The following LHFPL6 variants were observed in gnomAD, a reference collection of about 807,000 sequenced individuals.
LHFPL6 encodes LHFPL tetraspan subfamily member 6 protein.
A neutral mutation model predicts 20.6 loss-of-function variants in LHFPL6; 9 were observed. The observed-to-expected ratio is 0.44, with a 90% CI of 0.26 to 0.76. LHFPL6 has a LOEUF of 0.76. Among genes scored for constraint, LHFPL6 ranks in the 30% least tolerant of loss-of-function variants. LHFPL6 has a pLI of 0.20. For synonymous variants in LHFPL6, 105 were observed against 98.7 expected, an observed-to-expected ratio of 1.06 and a Z score of -0.38; for missense variants, 218 against 253.5, an observed-to-expected ratio of 0.86 and a Z score of 0.95.
intron 2 of LHFPL6, among the ~76,000 whole-genome samples, chr13:39,494,312 C>T (rs1410937781): frequency 1.3e-5 from 2 of 152,214 alleles, no homozygotes; most frequent in Non-Finnish European, 2.9e-5. Flanking sequence ...CAGTTCGTGG[C>T]ATTTTTTACC....
At chr13:39,498,537 A>T (rs1264203988) in intron 2 of LHFPL6, among the ~76,000 whole-genome samples, 1 of 152,216 alleles carries the variant, frequency 6.6e-6, no homozygotes, top group African/African-American at 2.4e-5. Flanking sequence ...AAAATCAGGG[A>T]GAGAAGATCA....
At chr13:39,434,399 T>A (rs1871898806) in intron 2 of LHFPL6, among the ~76,000 whole-genome samples, 1 of 152,240 alleles carries the variant, frequency 6.6e-6, no homozygotes, top group African/African-American at 2.4e-5. Flanking sequence ...TTTTCTGCTC[T>A]GATGCTGTTT....
At position 39,562,489 on chromosome 13, in the gene LHFPL6, CACATAT is replaced by C. The variant is rs1566142075; in HGVS notation, c.385+38337_385+38342del. 3.8e-4 allele frequency among the ~76,000 whole-genome samples: 48 copies of C among 125,156 alleles called. 5 individuals are homozygous for C. The highest frequency in any genetic ancestry group is 4.7e-4 in the Non-Finnish European group (27 of 57,962). 82.1% of individuals were successfully genotyped at this position (125,156 alleles called of 152,430 possible). A position where few individuals can be genotyped will look rare whatever the true frequency, so the allele number is the denominator to read the frequency against. On this transcript the variant is annotated intron_variant, in intron 2 of 3. Coordinates refer to ENST00000379589, the MANE Select transcript of LHFPL6 (RefSeq NM_005780.3). ...ACACATATACACATATACATATATACACATATACATATATACATATATACATATATA... is the reference window on the plus strand; with the variant it reads ...ACACATATACACATATACATATATACACATATATACATATATACATATATA...
chr13:39,470,132 T>C (rs995574675), intron 2 of LHFPL6, among the ~76,000 whole-genome samples: 1 of 152,160 alleles, frequency 6.6e-6, no homozygotes, highest in Non-Finnish European at 1.5e-5. Context: ...AAAGTCAAAA[T>C]AGGCTAGCTA....
At chr13:39,422,630 T>C (rs1871526266) in intron 2 of LHFPL6, among the ~76,000 whole-genome samples, 1 of 145,580 alleles carries the variant, frequency 6.9e-6, no homozygotes, top group Non-Finnish European at 1.5e-5. Context: ...GAAAACACAA[T>C]GCGCAACAGC....
At chr13:39,491,640 G>A (rs1039657194) in intron 2 of LHFPL6, among the ~76,000 whole-genome samples, 9 of 152,114 alleles carry the variant, frequency 5.9e-5, no homozygotes, top group African/African-American at 7.2e-5. Flanking sequence ...GGAAGGACTC[G>A]GTAAGGACAT....
At chr13:39,462,703 G>A (rs936140894) in intron 2 of LHFPL6, among the ~76,000 whole-genome samples, 1 of 152,174 alleles carries the variant, frequency 6.6e-6, no homozygotes, top group Non-Finnish European at 1.5e-5. Flanking sequence ...AGCCAGGCAA[G>A]TCCAAAGCAG....
intron 2 of LHFPL6, among the ~76,000 whole-genome samples, chr13:39,541,417 C>T (rs760831018): frequency 6.6e-6 from 1 of 152,174 alleles, no homozygotes; most frequent in Non-Finnish European, 1.5e-5. Context: ...CCTAGCTGTG[C>T]GACATTATGT....
intron 2 of LHFPL6, among the ~76,000 whole-genome samples, chr13:39,475,428 C>CT (rs199666257): frequency 0.14 from 20,577 of 146,548 alleles, 2,862 homozygotes; most frequent in African/African-American, 0.35. Flanking sequence ...ACTGCTCCAT[C>CT]TTTTTTTTTT....
chr13:39,491,104 C>T (rs1188949736), intron 2 of LHFPL6, among the ~76,000 whole-genome samples: 2 of 152,098 alleles, frequency 1.3e-5, no homozygotes, highest in Non-Finnish European at 2.9e-5. Flanking sequence ...TACTCCAAGA[C>T]TTTATAGTAT....
intron 2 of LHFPL6, among the ~76,000 whole-genome samples, chr13:39,582,961 T>A (rs1872333475): frequency 6.6e-6 from 1 of 152,160 alleles, no homozygotes. Context: ...GAGGCCATAT[T>A]ATATTAAGTC....
At chr13:39,523,080 C>G (rs1870162926) in intron 2 of LHFPL6, among the ~76,000 whole-genome samples, 1 of 152,138 alleles carries the variant, frequency 6.6e-6, no homozygotes, top group South Asian at 2.1e-4. Context: ...AATTGTATGA[C>G]CTTAGACAAT....
chr13:39,493,346 A>G (rs1376805475), intron 2 of LHFPL6, among the ~76,000 whole-genome samples: 1 of 151,846 alleles, frequency 6.6e-6, no homozygotes, highest in Non-Finnish European at 1.5e-5. Flanking sequence ...GAAAAGAAAA[A>G]AAAGAAAAGA....
At chr13:39,573,212 A>C (rs9576868) in intron 2 of LHFPL6, among the ~76,000 whole-genome samples, 13,506 of 152,224 alleles carry the variant, frequency 0.089, 694 homozygotes, top group East Asian at 0.22. Flanking sequence ...AAAATGTGGA[A>C]TAGAGATTCA....
At chr13:39,450,705 C>A (rs1313462456) in intron 2 of LHFPL6, among the ~76,000 whole-genome samples, 1 of 152,080 alleles carries the variant, frequency 6.6e-6, no homozygotes, top group Non-Finnish European at 1.5e-5. Context: ...TAGGTCTGAA[C>A]CAAGTGAATT....
intron 2 of LHFPL6, among the ~76,000 whole-genome samples, chr13:39,535,346 T>A (rs1440063965): frequency 1.3e-5 from 2 of 152,252 alleles, no homozygotes; most frequent in East Asian, 3.8e-4. Context: ...CTCTGTCTCC[T>A]CTTTTTGCTC....
At chr13:39,395,269 C>T (rs1336774499) in intron 2 of LHFPL6, among the ~76,000 whole-genome samples, 1 of 152,176 alleles carries the variant, frequency 6.6e-6, no homozygotes, top group East Asian at 1.9e-4. Flanking sequence ...AAGATCACAA[C>T]ATCATGTTTA....
At chr13:39,455,769 T>C (rs1293036439) in intron 2 of LHFPL6, among the ~76,000 whole-genome samples, 3 of 152,226 alleles carry the variant, frequency 2.0e-5, no homozygotes, top group Non-Finnish European at 4.4e-5. Context: ...AAGATTACCA[T>C]GTGAGACAGC....
rs894839283 is a variant in LHFPL6, at chr13:39,434,913, G to C, written c.386-56387C>G. 3.3e-5 allele frequency among the ~76,000 whole-genome samples: 5 copies of C among 151,508 alleles called. No homozygotes were observed. In the East Asian group the frequency reaches 9.7e-4, roughly 29 times the overall value. On this transcript the variant is annotated intron_variant, in intron 2 of 3. Transcript: ENST00000379589. ...CTACTAAAAATACAAAAAATTAGCCGGGCGCGGTGGCGGGCGCCTGTAGTC... is the reference window on the plus strand; with the variant it reads ...CTACTAAAAATACAAAAAATTAGCCCGGCGCGGTGGCGGGCGCCTGTAGTC...
Sources: allele counts gnomAD v4.1 joint callset (sites outside exome capture counted in the v4.1 genomes callset), GRCh38; gene constraint gnomAD v4.1.1; transcripts MANE v1.5; gene names NCBI Gene and HGNC (gene_info 2026-07-23, HGNC 2026-07-21).